The following AAMDC variants were observed in gnomAD, a reference collection of about 807,000 sequenced individuals.
The protein encoded by AAMDC is mth938 domain-containing protein.
Under a neutral mutation model 15.5 loss-of-function variants are expected in AAMDC, and 16 were observed. The observed-to-expected ratio is 1.03, with a 90% CI of 0.70 to 1.57. AAMDC has a LOEUF of 1.57. Among genes scored for constraint, AAMDC ranks in the 40% most tolerant of loss-of-function variants. AAMDC has a pLI of 0.00. For synonymous variants in AAMDC, 51 were observed against 51.6 expected (o/e 0.99, Z 0.05); for missense variants, 141 against 144.9 (o/e 0.97, Z 0.14).
chr11:77,882,116 A>C (rs1004471257), intron 5 of AAMDC, among the ~76,000 whole-genome samples: 3 of 152,062 alleles, frequency 2.0e-5, no homozygotes, highest in Non-Finnish European at 4.4e-5. Context: ...GGGTTGCCCT[A>C]TATTGCCCAT....
intron 2 of AAMDC, among the ~76,000 whole-genome samples, chr11:77,867,213 C>T (rs1363508070): frequency 1.3e-5 from 2 of 152,180 alleles, no homozygotes; most frequent in East Asian, 3.8e-4. Context: ...CTGGAAAACG[C>T]TTCTTTCTCT....
chr11:77,901,663 C>T, downstream of AAMDC: 1 of 761,412 alleles, frequency 1.3e-6, no homozygotes, highest in Non-Finnish European at 2.2e-6. Context: ...TGAGATTTTA[C>T]ATCCTTATGC....
At position 77,841,084 on chromosome 11, in the gene AAMDC, T is replaced by C. The variant is rs904831335; in HGVS notation, c.-18-1395T>C. 17 of 661,952 alleles carry C rather than the reference T, an allele frequency of 2.6e-5. No homozygotes were observed. In the East Asian group the frequency reaches 4.4e-4, roughly 17 times the overall value. The allele number at this position is 661,952 out of a possible 1,614,324, so 41.0% of individuals were successfully genotyped here. ...TGGTGAGAGCCTTCTTGCTGCATCA[T>C]CCTATAGTGGAAGTCATCACATGGT... On this transcript the variant is annotated intron_variant, in intron 1 of 3. Transcript: ENST00000393427.
At chr11:77,838,005 T>C (rs1341177354) in intron 1 of AAMDC, among the ~76,000 whole-genome samples, 1 of 152,156 alleles carries the variant, frequency 6.6e-6, no homozygotes, top group African/African-American at 2.4e-5. Flanking sequence ...CCCAGGGGCT[T>C]GAGGTTGCAG....
At chr11:77,874,175 AC>A (rs1951534772), downstream of AAMDC, among the ~76,000 whole-genome samples, 1 of 152,166 alleles carries the variant, frequency 6.6e-6, no homozygotes, top group African/African-American at 2.4e-5. Context: ...CTAGAAGCAG[AC>A]GGGAGTGAGT....
chr11:77,884,830 C>T (rs189525770), intron 5 of AAMDC: 91 of 405,570 alleles, frequency 2.2e-4, no homozygotes, highest in African/African-American at 1.8e-3. Context: ...TCATAACTCA[C>T]TGAAGCCTCA....
chr11:77,871,195 G>C (rs1307459453), intron 3 of AAMDC, among the ~76,000 whole-genome samples: 6 of 152,106 alleles, frequency 3.9e-5, no homozygotes, highest in East Asian at 1.9e-4. Flanking sequence ...CAAATATATA[G>C]AAAATATAGG....
intron 2 of AAMDC, among the ~76,000 whole-genome samples, chr11:77,844,463 A>G (rs1950061395): frequency 6.6e-6 from 1 of 152,038 alleles, no homozygotes; most frequent in Non-Finnish European, 1.5e-5. Context: ...CCTGGGTGAA[A>G]GGGATCTTCC....
At position 77,845,787 on chromosome 11, in the gene AAMDC, G is replaced by T. The variant is rs73495972; in HGVS notation, c.132+3159G>T. On this transcript the variant is annotated intron_variant, in intron 2 of 3. Coordinates refer to ENST00000393427, the MANE Select transcript of AAMDC (RefSeq NM_024684.4). Reference sequence around the variant, plus strand: ...ATTTCTTTATTGATATTTTTTATTTGGTAAGATATTGTTATACTTTCCTTT... The same window carrying T: ...ATTTCTTTATTGATATTTTTTATTTTGTAAGATATTGTTATACTTTCCTTT... 5.0e-3 allele frequency among the ~76,000 whole-genome samples: 761 copies of T among 152,036 alleles called. 8 individuals are homozygous for T. Among genetic ancestry groups the T allele is most frequent in the African/African-American group, 0.018 (728 of 41,474 alleles).
chr11:77,881,907 G>T (rs1288226323), intron 5 of AAMDC, among the ~76,000 whole-genome samples: 3 of 151,352 alleles, frequency 2.0e-5, no homozygotes, highest in African/African-American at 7.3e-5. Context: ...TCTTGTTTCT[G>T]ATGGTTTTTT....
At chr11:77,890,785 T>C (rs577158034) in intron 5 of AAMDC, among the ~76,000 whole-genome samples, 1 of 152,218 alleles carries the variant, frequency 6.6e-6, no homozygotes, top group African/African-American at 2.4e-5. Context: ...AATGAAGTAG[T>C]AGTACTCTTT....
chr11:77,864,753 A>AGG (rs905951264), intron 2 of AAMDC, among the ~76,000 whole-genome samples: 1 of 152,168 alleles, frequency 6.6e-6, no homozygotes, highest in African/African-American at 2.4e-5. Context: ...CCAAGATGGG[A>AGG]GGATTGTTTG....
At chr11:77,899,137 A>T (rs1952666199) in intron 5 of AAMDC, among the ~76,000 whole-genome samples, 1 of 152,170 alleles carries the variant, frequency 6.6e-6, no homozygotes, top group Non-Finnish European at 1.5e-5. Flanking sequence ...TTATGGGAAC[A>T]AACTGAGGCC....
downstream of AAMDC, among the ~76,000 whole-genome samples, chr11:77,873,137 C>T (rs1440030006): frequency 6.6e-6 from 1 of 152,154 alleles, no homozygotes; most frequent in African/African-American, 2.4e-5. Flanking sequence ...TTTTAAAGAA[C>T]TATGGGCTTT....
At chr11:77,829,140 G>T (rs1460894472) in intron 1 of AAMDC, among the ~76,000 whole-genome samples, 1 of 152,138 alleles carries the variant, frequency 6.6e-6, no homozygotes, top group Non-Finnish European at 1.5e-5. Flanking sequence ...TGAGGGTGGG[G>T]CCCTAATGTG....
chr11:77,868,721 T>G, intron 2 of AAMDC: 1 of 222,680 alleles, frequency 4.5e-6, no homozygotes, highest in Non-Finnish European at 1.0e-5. Context: ...AATTATGGCG[T>G]GAATTCACAG....
downstream of AAMDC, chr11:77,901,444 T>C: frequency 1.2e-6 from 2 of 1,614,000 alleles, no homozygotes; most frequent in South Asian, 2.2e-5. Flanking sequence ...GTGCTGTTAC[T>C]ATAAGTTGCA....
downstream of AAMDC, chr11:77,901,408 C>T: frequency 6.2e-7 from 1 of 1,613,844 alleles, no homozygotes; most frequent in Non-Finnish European, 8.5e-7. Context: ...TTTTGGCCAA[C>T]CCCACATCTT....
chr11:77,833,263 A>G (rs942649212), intron 1 of AAMDC, among the ~76,000 whole-genome samples: 6 of 151,946 alleles, frequency 3.9e-5, no homozygotes, highest in African/African-American at 7.3e-5. Flanking sequence ...TATATAATGA[A>G]ATAATTATAC....
Sources: gnomAD v4.1 joint callset for allele counts (sites outside exome capture counted in the v4.1 genomes callset) on GRCh38, gnomAD v4.1.1 for gene constraint, MANE v1.5 for transcripts, NCBI Gene and HGNC (gene_info 2026-07-23, HGNC 2026-07-21) for gene names.